Variants in CLK4 observed in about 807,000 individuals in gnomAD.
CLK4 encodes dual specificity protein kinase CLK4.
Under a neutral mutation model 64.4 loss-of-function variants are expected in CLK4, and 37 were observed. That is an observed-to-expected ratio of 0.57 (90% CI 0.44 to 0.76). The LOEUF is 0.76. CLK4 is among the 30% of genes least tolerant of loss of function. The pLI is 0.00. For missense variants in CLK4, 457 were observed against 605.1 expected, an observed-to-expected ratio of 0.76 and a Z score of 2.57; for synonymous variants, 175 against 191.6, an observed-to-expected ratio of 0.91 and a Z score of 0.72.
At chr5:178,623,988 G>A (rs1170972003) in intron 1 of CLK4, among the ~76,000 whole-genome samples, 1 of 152,188 alleles carries the variant, frequency 6.6e-6, no homozygotes, top group African/African-American at 2.4e-5. Flanking sequence ...TAACTGAAGT[G>A]CAAGACAAAA....
intron 2 of CLK4, chr5:178,619,616 C>T: frequency 3.6e-6 from 1 of 278,200 alleles, no homozygotes; most frequent in Non-Finnish European, 7.1e-6. Context: ...CAACAGAAAA[C>T]ACCATCATCT....
chr5:178,608,328 G>T, intron 10 of CLK4, 48 bp downstream of exon 10: 1 of 1,356,760 alleles, frequency 7.4e-7, no homozygotes, highest in Non-Finnish European at 1.0e-6. Flanking sequence ...TACCTTTAAC[G>T]TTTACAATTT....
At chr5:178,616,503 T>C (rs1764628884) in intron 5 of CLK4, among the ~76,000 whole-genome samples, 1 of 152,158 alleles carries the variant, frequency 6.6e-6, no homozygotes. Flanking sequence ...ATTTAAAATA[T>C]ATTCCATCTT....
intron 7 of CLK4, 78 bp from the exon 8 acceptor site, chr5:178,612,968 A>G: frequency 5.6e-6 from 4 of 708,712 alleles, no homozygotes; most frequent in Non-Finnish European, 9.8e-6. Flanking sequence ...GGACTGGCAA[A>G]GGATATAGTG....
chr5:178,607,117 A>T (rs1447265477), intron 10 of CLK4, among the ~76,000 whole-genome samples: 2 of 151,780 alleles, frequency 1.3e-5, no homozygotes, highest in Non-Finnish European at 2.9e-5. Flanking sequence ...TACATAAAAG[A>T]GACATTAAAA....
intron 10 of CLK4, 47 bp from the exon 11 acceptor site, chr5:178,605,429 A>G: frequency 9.1e-7 from 1 of 1,103,870 alleles, no homozygotes; most frequent in Non-Finnish European, 1.3e-6. Context: ...ATTTCCCTAC[A>G]AACACATTAA....
At position 178,603,887 on chromosome 5, in the gene CLK4, C is replaced by G; in HGVS notation, c.1262G>C (p.Ser421Thr). The change falls in exon 12 of 13, where the codon AGT becomes ACT. Residue 421 changes from serine to threonine, a missense_variant. Ser to Thr is a moderately conservative substitution (Grantham distance 58). Coordinates refer to ENST00000316308, the MANE Select transcript of CLK4 (RefSeq NM_020666.3). Reference protein sequence around the residue: ...HHNQLDWDEHSSAGRYVRRRC... With the variant: ...HHNQLDWDEHTSAGRYVRRRC... ...TCTCCTAACATATCTACCAGCAGAA[C>G]TGTGTTCATCCCAATCTAGCTGGTT... The G allele has an allele frequency of 6.2e-7, 1 of 1,611,026 alleles. No homozygotes were observed. The highest frequency in any genetic ancestry group is 8.5e-7 in the Non-Finnish European group (1 of 1,179,276).
Position 178,603,559 on chromosome 5 carries a change from A to C in CLK4, c.*58T>G. Reference sequence around the variant, plus strand: ...AAATATTAGAATGTTTAGTTGACTGACACAGTCTTAAGTAATCTCTTCTAG... The same window carrying C: ...AAATATTAGAATGTTTAGTTGACTGCCACAGTCTTAAGTAATCTCTTCTAG... On this transcript the variant is annotated 3_prime_UTR_variant, in exon 13 of 13. Transcript: ENST00000316308. 8.0e-7 allele frequency: 1 copy of C among 1,242,288 alleles called. No individual in the cohort carries two copies. The highest frequency in any genetic ancestry group is 1.1e-6 in the Non-Finnish European group (1 of 916,686). The allele number at this position is 1,242,288 out of a possible 1,614,324, so 77.0% of individuals were successfully genotyped here.
At chr5:178,614,438 T>C (rs1286974346) in intron 5 of CLK4, among the ~76,000 whole-genome samples, 1 of 152,204 alleles carries the variant, frequency 6.6e-6, no homozygotes, top group Non-Finnish European at 1.5e-5. Context: ...CTGATGCCAG[T>C]ATACAGAAAC....
In CLK4 at chr5:178,623,337, T is replaced by C; in HGVS notation, c.80A>G (p.His27Arg). Residue 27 changes from histidine (H) to arginine (R), a missense_variant, in exon 2 of 13, where the codon CAC becomes CGC. Physicochemically the swap from His to Arg is conservative, Grantham distance 29 (BLOSUM62 0). Coordinates refer to ENST00000316308, the MANE Select transcript of CLK4 (RefSeq NM_020666.3). ...SWGHESYRGSHKRKRRSHSST... is the reference protein window; with the variant it reads ...SWGHESYRGSRKRKRRSHSST... ...ACTATGAGATCTCCTCTTCCGCTTGTGACTTCCACGATAGCTTTCATGTCC... is the reference window on the plus strand; with the variant it reads ...ACTATGAGATCTCCTCTTCCGCTTGCGACTTCCACGATAGCTTTCATGTCC... 6.2e-7 allele frequency: 1 copy of C among 1,614,094 alleles called. No individual in the cohort carries two copies. The highest frequency in any genetic ancestry group is 1.1e-5 in the South Asian group (1 of 91,078).
intron 1 of CLK4, among the ~76,000 whole-genome samples, chr5:178,623,641 A>AT (rs61669840): frequency 0.016 from 2,310 of 144,926 alleles, 66 homozygotes; most frequent in African/African-American, 0.048. Flanking sequence ...ACCTTAAGAC[A>AT]TTTTTTTTTT....
intron 9 of CLK4, 27 bp downstream of exon 9, chr5:178,612,389 A>G: frequency 3.2e-6 from 5 of 1,557,930 alleles, no homozygotes; most frequent in South Asian, 1.2e-5. Context: ...TTCAATTATA[A>G]TATTAGAAAG....
intron 10 of CLK4, among the ~76,000 whole-genome samples, chr5:178,606,327 A>G (rs1764466922): frequency 6.6e-6 from 1 of 152,196 alleles, no homozygotes; most frequent in Admixed American, 6.5e-5. Context: ...GCAAAACCAG[A>G]CAATACCTCC....
rs140935041 is a variant in CLK4 at position 178,607,380 on chromosome 5, T to C, written c.1134+996A>G. 3.4e-3 allele frequency among the ~76,000 whole-genome samples: 516 copies of C among 152,184 alleles called. 1 individual carries two copies. Among genetic ancestry groups the C allele is most frequent in the African/African-American group, 0.011 (465 of 41,530 alleles). ...CTCCTCTGTGCATTTACAGATACTATTTCTTCTTCCTTATATGCCCATTGC... is the reference window on the plus strand; with the variant it reads ...CTCCTCTGTGCATTTACAGATACTACTTCTTCTTCCTTATATGCCCATTGC... On this transcript the variant is annotated intron_variant, in intron 10 of 12. Transcript: ENST00000316308.
chr5:178,610,832 G>A (rs542129488), intron 9 of CLK4, among the ~76,000 whole-genome samples: 1 of 152,232 alleles, frequency 6.6e-6, no homozygotes, highest in South Asian at 2.1e-4. Context: ...AGCACTTTGG[G>A]AGGCCGAGGC....
chr5:178,626,567 G>A (rs1764782790), intron 1 of CLK4, among the ~76,000 whole-genome samples: 1 of 152,236 alleles, frequency 6.6e-6, no homozygotes, highest in South Asian at 2.1e-4. Context: ...TCCAGGGGAA[G>A]ACTTGATCTC....
At chr5:178,609,491 A>G (rs1298715844) in intron 9 of CLK4, among the ~76,000 whole-genome samples, 1 of 151,606 alleles carries the variant, frequency 6.6e-6, no homozygotes, top group Non-Finnish European at 1.5e-5. Context: ...GACCAGTCTG[A>G]CCAACATGGT....
At position 178,613,165 on chromosome 5, in the gene CLK4, A is replaced by G. The variant is rs550439221; in HGVS notation, c.827-275T>C. On this transcript the variant is annotated intron_variant, in intron 7 of 12. Coordinates refer to ENST00000316308, the MANE Select transcript of CLK4 (RefSeq NM_020666.3). Reference sequence around the variant, plus strand: ...TTGCTGTGCACAGTGGCTCACGCCTATAACCCCAGCACTTTGGGAGGCCGA... The same window carrying G: ...TTGCTGTGCACAGTGGCTCACGCCTGTAACCCCAGCACTTTGGGAGGCCGA... Among the ~76,000 whole-genome samples the G allele has an allele frequency of 6.6e-5, 10 of 152,318 alleles. No individual in the cohort carries two copies. The South Asian group carries it at 2.1e-3, about 32-fold the overall frequency.
At chr5:178,606,453 C>T (rs768688381) in intron 10 of CLK4, among the ~76,000 whole-genome samples, 5 of 152,216 alleles carry the variant, frequency 3.3e-5, no homozygotes, top group East Asian at 1.9e-4. Flanking sequence ...AGGTGCCCCA[C>T]GAACAGGGAA....
Sources: allele counts gnomAD v4.1 joint callset (sites outside exome capture counted in the v4.1 genomes callset), GRCh38; gene constraint gnomAD v4.1.1; transcripts MANE v1.5; gene names NCBI Gene and HGNC (gene_info 2026-07-23, HGNC 2026-07-21).